HMGB1: variants seen among roughly 807,000 people sequenced by gnomAD.
The protein encoded by HMGB1 is high mobility group protein B1.
For synonymous variants in HMGB1, 81 were observed against 84.0 expected, an observed-to-expected ratio of 0.96 and a Z score of 0.19; for missense variants, 79 against 253.5, an observed-to-expected ratio of 0.31 and a Z score of 4.67.
intron 1 of HMGB1, among the ~76,000 whole-genome samples, chr13:30,488,690 A>ATT (rs995856236): frequency 1.9e-5 from 2 of 106,934 alleles, no homozygotes; most frequent in Non-Finnish European, 4.1e-5. Context: ...TATTATTATT[A>ATT]TTATTACTTT....
In HMGB1 at chr13:30,456,760, C is replaced by CGGAGG. The variant is rs1555231081; in HGVS notation, c.*4596_*4597insCCTCC. The CGGAGG allele has an allele frequency of 7.4e-5, 1 of 13,544 alleles. No homozygotes were observed. Among genetic ancestry groups the CGGAGG allele is most frequent in the Admixed American group, 1.1e-3 (1 of 898 alleles). 0.8% of individuals were successfully genotyped at this position (13,544 alleles called of 1,614,324 possible). ...CAGCATAAATAACAGCTTTTGTGGGCGGGGGGGGGGGGTGGTGGGGTGCAA... is the reference window on the plus strand; with the variant it reads ...CAGCATAAATAACAGCTTTTGTGGGCGGAGGGGGGGGGGGGGGTGGTGGGGTGCAA... On this transcript the variant is annotated 3_prime_UTR_variant, in exon 5 of 5. Coordinates refer to ENST00000341423, the MANE Select transcript of HMGB1 (RefSeq NM_002128.7).
At chr13:30,612,304 G>A (rs1219802946) in intron 1 of HMGB1, among the ~76,000 whole-genome samples, 3 of 151,638 alleles carry the variant, frequency 2.0e-5, no homozygotes, top group African/African-American at 7.3e-5. Context: ...AGGGGTAGAG[G>A]ACAGAGGGCT....
intron 1 of HMGB1, among the ~76,000 whole-genome samples, chr13:30,604,953 C>T (rs1442677378): frequency 1.3e-5 from 2 of 152,130 alleles, no homozygotes; most frequent in African/African-American, 4.8e-5. Flanking sequence ...CCACCGCGCC[C>T]GGCCTGAATG....
At chr13:30,480,405 ATTTG>A (rs1316627344) in intron 1 of HMGB1, among the ~76,000 whole-genome samples, 1 of 152,156 alleles carries the variant, frequency 6.6e-6, no homozygotes, top group African/African-American at 2.4e-5. Flanking sequence ...TTACATATAT[ATTTG>A]TTTGTTTATT....
chr13:30,548,348 G>A (rs1231201042), intron 1 of HMGB1, among the ~76,000 whole-genome samples: 3 of 152,090 alleles, frequency 2.0e-5, no homozygotes, highest in Non-Finnish European at 2.9e-5. Context: ...ACGATTGTAA[G>A]TTTCCTGAGG....
chr13:30,507,918 G>A (rs1887904454), intron 1 of HMGB1, among the ~76,000 whole-genome samples: 1 of 152,030 alleles, frequency 6.6e-6, no homozygotes, highest in Non-Finnish European at 1.5e-5. Context: ...GATCGCTTGA[G>A]CCCCGGGATT....
chr13:30,476,698 T>C (rs1263667938), intron 1 of HMGB1, among the ~76,000 whole-genome samples: 2 of 151,906 alleles, frequency 1.3e-5, no homozygotes, highest in African/African-American at 4.8e-5. Context: ...ACCCCAGCTC[T>C]ACTAAAAGTA....
At chr13:30,616,891 G>T (rs1057294907) in exon 1 of HMGB1, 1 of 152,124 alleles carries the variant, frequency 6.6e-6, no homozygotes, top group East Asian at 1.9e-4. Context: ...ACCAATTGTG[G>T]TTTTTCTGTA....
intron 1 of HMGB1, among the ~76,000 whole-genome samples, chr13:30,571,450 A>G (rs1870426315): frequency 6.6e-6 from 1 of 152,130 alleles, no homozygotes. Context: ...ATGTGCCACC[A>G]TGCCCGGCTA....
intron 1 of HMGB1, among the ~76,000 whole-genome samples, chr13:30,614,862 T>C (rs770657516): frequency 6.6e-6 from 1 of 150,426 alleles, no homozygotes; most frequent in Non-Finnish European, 1.5e-5. Flanking sequence ...CCGCGCCCGG[T>C]TAATTTTTGT....
chr13:30,508,095 A>C lies in HMGB1; in HGVS notation c.-14-44401T>G, dbSNP rs140404267. Among the ~76,000 whole-genome samples, 731 of 152,352 alleles carry C rather than the reference A, an allele frequency of 4.8e-3. 2 individuals carry two copies. The highest frequency in any genetic ancestry group is 7.7e-3 in the Non-Finnish European group (523 of 68,032). On this transcript the variant is annotated intron_variant, in intron 1 of 4. Coordinates refer to the HMGB1 transcript ENST00000405805. ...CCCATATCATACTGGATGAAAAATT[A>C]AAAACTGAGTATAAATATGTTCCTT...
intron 1 of HMGB1, among the ~76,000 whole-genome samples, chr13:30,586,118 T>C (rs533246094): frequency 5.3e-5 from 8 of 152,300 alleles, no homozygotes; most frequent in African/African-American, 1.9e-4. Context: ...CAGGCTGGAA[T>C]GCAGTGATGC....
intron 1 of HMGB1, among the ~76,000 whole-genome samples, chr13:30,610,717 A>T (rs1950505512): frequency 6.7e-6 from 1 of 148,664 alleles, no homozygotes; most frequent in Admixed American, 6.8e-5. Flanking sequence ...GAGATCTGTA[A>T]ATCTAATGCC....
At chr13:30,542,939 A>C (rs1868959531) in intron 1 of HMGB1, 1 of 153,096 alleles carries the variant, frequency 6.5e-6, no homozygotes, top group Admixed American at 6.5e-5. Context: ...TCCAAACTGA[A>C]CACCTACAAT....
chr13:30,469,933 C>T (rs112829776), upstream of HMGB1, among the ~76,000 whole-genome samples: 7,896 of 152,120 alleles, frequency 0.052, 350 homozygotes, highest in African/African-American at 0.12. Flanking sequence ...CCAGCCCCAG[C>T]TAATTTATTT....
At chr13:30,538,494 CT>C (rs1555238746) in intron 1 of HMGB1, among the ~76,000 whole-genome samples, 1 of 66,782 alleles carries the variant, frequency 1.5e-5, no homozygotes, top group Non-Finnish European at 3.2e-5. Context: ...TTCTTTCTTT[CT>C]TTCTTTCTTT....
chr13:30,560,089 A>T (rs2137523474), intron 1 of HMGB1, among the ~76,000 whole-genome samples: 1 of 152,304 alleles, frequency 6.6e-6, no homozygotes, highest in East Asian at 1.9e-4. Flanking sequence ...TGTAGCAATG[A>T]GGGTAGAGAT....
chr13:30,464,532 G>A lies in HMGB1; in HGVS notation c.-14-838C>T, dbSNP rs1230451357. On this transcript the variant is annotated intron_variant, in intron 1 of 4. Coordinates refer to ENST00000341423, the MANE Select transcript of HMGB1 (RefSeq NM_002128.7). ...GGCCGAGGAGAGAGGACGCGGCCCG[G>A]CTCCCAGGCCCGAGGCCGCCACGTG... The A allele has an allele frequency of 3.0e-6, 3 of 984,750 alleles. No individual in the cohort carries two copies. The South Asian group carries it at 1.4e-4, about 46-fold the overall frequency. 61.0% of individuals were successfully genotyped at this position (984,750 alleles called of 1,614,324 possible).
At chr13:30,611,765 T>TA (rs1950514682) in intron 1 of HMGB1, among the ~76,000 whole-genome samples, 2 of 151,874 alleles carry the variant, frequency 1.3e-5, no homozygotes, top group African/African-American at 2.4e-5. Flanking sequence ...GCACATTAAA[T>TA]ACAAGCTTTT....
Sources: allele counts gnomAD v4.1 joint callset (sites outside exome capture counted in the v4.1 genomes callset), GRCh38; gene constraint gnomAD v4.1.1; transcripts MANE v1.5; gene names NCBI Gene and HGNC (gene_info 2026-07-23, HGNC 2026-07-21).